Variants in ACBD5 observed in about 807,000 individuals in gnomAD.
ACBD5 encodes the protein acyl-CoA binding domain containing 5.
In ACBD5, 40 loss-of-function variants were observed where a neutral mutation model predicts 71.8. The ratio of observed to expected loss-of-function variants is 0.56; its 90% CI spans 0.43 to 0.72. ACBD5 has a LOEUF of 0.72. Among genes scored for constraint, ACBD5 ranks in the 30% least tolerant of loss-of-function variants. The probability of loss-of-function intolerance (pLI) is 0.00; values close to 1 mark genes in which losing one functional copy is unlikely to be tolerated. For missense variants in ACBD5, 559 were observed against 644.5 expected (o/e 0.87, Z 1.44); for synonymous variants, 229 against 218.6 (o/e 1.05, Z -0.42).
chr10:27,228,771 A>T (rs1329784315), intron 4 of ACBD5, among the ~76,000 whole-genome samples: 1 of 130,048 alleles, frequency 7.7e-6, no homozygotes, highest in East Asian at 2.1e-4. Context: ...AATTTTCTAT[A>T]AAACATAATC....
intron 2 of ACBD5, among the ~76,000 whole-genome samples, chr10:27,236,199 G>A (rs2064666211): frequency 6.6e-6 from 1 of 151,764 alleles, no homozygotes; most frequent in Admixed American, 6.6e-5. Flanking sequence ...GAATGTTAAT[G>A]TTTTATAATA....
In ACBD5 at chr10:27,223,469, C is replaced by A; in HGVS notation, c.376-17G>T. 6.4e-7 allele frequency: 1 copy of A among 1,571,130 alleles called. No individual in the cohort carries two copies. Among genetic ancestry groups the A allele is most frequent in the Non-Finnish European group, 8.7e-7 (1 of 1,143,918 alleles). On this transcript the variant is annotated splice_polypyrimidine_tract_variant and intron_variant, in intron 4 of 12. Coordinates refer to ENST00000396271, the MANE Select transcript of ACBD5 (RefSeq NM_145698.5). Reference sequence around the variant, plus strand: ...TTCAATAATCTGTAATCAAAAGAAACAAATATTGTGAAATCACAAACTCTT... The same window carrying A: ...TTCAATAATCTGTAATCAAAAGAAAAAAATATTGTGAAATCACAAACTCTT...
intron 9 of ACBD5, among the ~76,000 whole-genome samples, chr10:27,208,654 A>G (rs2060733030): frequency 6.6e-6 from 1 of 152,164 alleles, no homozygotes. Context: ...CCTGGCCAAC[A>G]TGGCAAAACC....
rs1452935535 is a variant in ACBD5 at position 27,240,573 on chromosome 10, T to G, written c.16-89A>C. 29 of 1,551,078 alleles carry G rather than the reference T, an allele frequency of 1.9e-5. No individual in the cohort carries two copies. Among genetic ancestry groups the G allele is most frequent in the Non-Finnish European group, 2.2e-5 (25 of 1,146,906 alleles). ...GGGTCAGTTCCCCTTTGCCCTGCCC[T>G]ATCCAGGCCACACAGATCGAAGCGG... On this transcript the variant is annotated intron_variant, in intron 1 of 12. Coordinates refer to ENST00000396271, the MANE Select transcript of ACBD5 (RefSeq NM_145698.5). The surrounding 1 kb of genome is among the most constrained non-coding windows in gnomAD (Gnocchi z 4.1).
chr10:27,205,177 ATT>A lies in ACBD5; in HGVS notation c.1455+19_1455+20del. ...AAACATATGAAACCCTGGCATTTAA[ATT>A]TTTTAAAAAATGTCTTACCTGTGAG... On this transcript the variant is annotated intron_variant, in intron 11 of 12. Coordinates refer to ENST00000396271, the MANE Select transcript of ACBD5 (RefSeq NM_145698.5). 6.2e-7 allele frequency: 1 copy of A among 1,608,100 alleles called. No homozygotes were observed.
chr10:27,184,992 G>A (rs999990586), intron 13 of ACBD5, among the ~76,000 whole-genome samples: 5 of 152,194 alleles, frequency 3.3e-5, no homozygotes, highest in African/African-American at 1.2e-4. Context: ...AGCTTCCAAT[G>A]TAGCCATAAG....
In ACBD5 at chr10:27,219,711, T is replaced by C. The variant is rs757791683; in HGVS notation, c.625+12A>G. ...TTATTGCAAAATTACTAACTGATTT[T>C]CCAAACATTACCATTATCACTTTGT... On this transcript the variant is annotated intron_variant, in intron 6 of 12. Transcript: ENST00000396271. 5 of 1,613,534 alleles carry C rather than the reference T, an allele frequency of 3.1e-6. No homozygotes were observed. The highest frequency in any genetic ancestry group is 4.2e-6 in the Non-Finnish European group (5 of 1,179,718).
chr10:27,214,741 C>T (rs2061444705), intron 8 of ACBD5, among the ~76,000 whole-genome samples: 2 of 152,084 alleles, frequency 1.3e-5, no homozygotes, highest in South Asian at 4.1e-4. Flanking sequence ...GGAGAACAGA[C>T]TTATTTGTTT....
chr10:27,199,196 CT>C (rs370902574), intron 12 of ACBD5, among the ~76,000 whole-genome samples: 20 of 146,654 alleles, frequency 1.4e-4, no homozygotes, highest in African/African-American at 1.5e-4. Flanking sequence ...ATCTTTTTTT[CT>C]TTTTTTTTTG....
downstream of ACBD5, among the ~76,000 whole-genome samples, chr10:27,194,785 C>A (rs2059247939): frequency 6.6e-6 from 1 of 151,744 alleles, no homozygotes; most frequent in Non-Finnish European, 1.5e-5. Flanking sequence ...ATCACGAGGT[C>A]AAGAGATGGA....
Position 27,196,213 on chromosome 10 carries a change from A to T in ACBD5, c.*1217T>A. 2.2e-6 allele frequency: 1 copy of T among 453,902 alleles called. No individual in the cohort carries two copies. Among genetic ancestry groups the T allele is most frequent in the Non-Finnish European group, 4.4e-6 (1 of 226,788 alleles). 28.1% of individuals were successfully genotyped at this position (453,902 alleles called of 1,614,324 possible). ...GAAACTCCATTTAAAAAAAAAAATT[A>T]TTTGTTACAAAGACTGCATCAAAGA... On this transcript the variant is annotated 3_prime_UTR_variant, in exon 13 of 13. Coordinates refer to ENST00000396271, the MANE Select transcript of ACBD5 (RefSeq NM_145698.5).
chr10:27,217,145 CA>C (rs375519969), intron 7 of ACBD5, among the ~76,000 whole-genome samples: 12 of 83,218 alleles, frequency 1.4e-4, no homozygotes, highest in Non-Finnish European at 6.5e-5. Context: ...GACTCTGTCT[CA>C]AAAAAAAAAA....
At chr10:27,199,037 A>C (rs570857201) in intron 12 of ACBD5, among the ~76,000 whole-genome samples, 35 of 151,890 alleles carry the variant, frequency 2.3e-4, no homozygotes, top group African/African-American at 8.2e-4. Context: ...TGAACCTGGG[A>C]GGCGGAGGTT....
In ACBD5 at chr10:27,225,772, A is replaced by C. The variant is rs572905513; in HGVS notation, c.376-2320T>G. On this transcript the variant is annotated intron_variant, in intron 4 of 12. Transcript: ENST00000396271. Reference sequence around the variant, plus strand: ...ATGGCAGAGAAATAATTCAAACATAAATCAGCACCCTTTACACTATCCCAC... The same window carrying C: ...ATGGCAGAGAAATAATTCAAACATACATCAGCACCCTTTACACTATCCCAC... Among the ~76,000 whole-genome samples, 5 of 152,264 alleles carry C rather than the reference A, an allele frequency of 3.3e-5. No individual in the cohort carries two copies. In the East Asian group the frequency reaches 9.6e-4, roughly 29 times the overall value.
chr10:27,226,147 C>T (rs2062981615), intron 4 of ACBD5, among the ~76,000 whole-genome samples: 1 of 152,046 alleles, frequency 6.6e-6, no homozygotes, highest in African/African-American at 2.4e-5. Context: ...TGAAGTTACT[C>T]TCTTTGTTTT....
chr10:27,192,156 G>A (rs145146680), downstream of ACBD5, among the ~76,000 whole-genome samples: 1,971 of 152,034 alleles, frequency 0.013, 20 homozygotes, highest in Non-Finnish European at 0.022. Flanking sequence ...AACTGATACC[G>A]CAGAAATATG....
chr10:27,187,583 C>A (rs1468272419), intron 13 of ACBD5, among the ~76,000 whole-genome samples: 1 of 151,944 alleles, frequency 6.6e-6, no homozygotes, highest in Non-Finnish European at 1.5e-5. Flanking sequence ...AAAACCTGGT[C>A]TCTACTAAAA....
At position 27,240,543 on chromosome 10, in the gene ACBD5, G is replaced by C. The variant is rs1207545169; in HGVS notation, c.16-59C>G. 6.4e-7 allele frequency: 1 copy of C among 1,551,680 alleles called. No homozygotes were observed. The highest frequency in any genetic ancestry group is 1.2e-5 in the South Asian group (1 of 84,748). Reference sequence around the variant, plus strand: ...CCCCAAAAGGAGGAGGCCCGGGAGCGAAGCGGGTCAGTTCCCCTTTGCCCT... The same window carrying C: ...CCCCAAAAGGAGGAGGCCCGGGAGCCAAGCGGGTCAGTTCCCCTTTGCCCT... On this transcript the variant is annotated intron_variant, in intron 1 of 12. Transcript: ENST00000396271. The surrounding 1 kb of genome is among the most constrained non-coding windows in gnomAD (Gnocchi z 4.1).
intron 13 of ACBD5, chr10:27,186,361 T>C: frequency 6.2e-7 from 1 of 1,612,284 alleles, no homozygotes; most frequent in Non-Finnish European, 8.5e-7. Flanking sequence ...TACTGTTTTG[T>C]TTTATATTTT....
Sources: gnomAD v4.1 joint callset for allele counts (sites outside exome capture counted in the v4.1 genomes callset) on GRCh38, gnomAD v4.1.1 for gene constraint, Gnocchi (gnomAD v3.1) non-coding constraint, MANE v1.5 for transcripts, NCBI Gene and HGNC (gene_info 2026-07-23, HGNC 2026-07-21) for gene names.